The following EPHA3 variants were observed in gnomAD, a reference collection of about 807,000 sequenced individuals.
EPHA3 encodes ephrin type-A receptor 3.
Under a neutral mutation model 107.1 loss-of-function variants are expected in EPHA3, and 42 were observed. The ratio of observed to expected loss-of-function variants is 0.39; its 90% CI spans 0.31 to 0.51. The LOEUF is 0.51. EPHA3 is among the 20% of genes least tolerant of loss of function. The pLI, the probability that EPHA3 is intolerant of heterozygous loss-of-function variation, is 0.78. For synonymous variants in EPHA3, 461 were observed against 424.8 expected (o/e 1.09, Z -1.05); for missense variants, 1,183 against 1,211.2 (o/e 0.98, Z 0.35).
At chr3:89,302,213 T>C (rs1235362564) in intron 3 of EPHA3, among the ~76,000 whole-genome samples, 2 of 152,136 alleles carry the variant, frequency 1.3e-5, no homozygotes, top group Non-Finnish European at 1.5e-5. Flanking sequence ...CTCCTTCATA[T>C]TCTAAAGGCA....
intron 2 of EPHA3, among the ~76,000 whole-genome samples, chr3:89,148,892 T>A (rs535344457): frequency 6.6e-6 from 1 of 152,154 alleles, no homozygotes; most frequent in South Asian, 2.1e-4. Context: ...GGAGTCATAA[T>A]TATAAACATA....
chr3:89,326,075 A>G (rs1707159685), intron 3 of EPHA3, among the ~76,000 whole-genome samples: 1 of 151,210 alleles, frequency 6.6e-6, no homozygotes, highest in Non-Finnish European at 1.5e-5. Context: ...TGGTTTTAAA[A>G]TGTGATTATG....
At chr3:89,383,639 CTTTT>C (rs71621546) in intron 5 of EPHA3, among the ~76,000 whole-genome samples, 6 of 87,960 alleles carry the variant, frequency 6.8e-5, no homozygotes, top group South Asian at 9.3e-4. Context: ...ACTTCTTCTT[CTTTT>C]TTTTTTTTTT....
chr3:89,170,728 A>G (rs1705193282), intron 2 of EPHA3, among the ~76,000 whole-genome samples: 1 of 152,208 alleles, frequency 6.6e-6, no homozygotes, highest in Non-Finnish European at 1.5e-5. Flanking sequence ...ATTGCAGAAG[A>G]GAAACACTTG....
At chr3:89,167,426 G>A (rs1324772000) in intron 2 of EPHA3, among the ~76,000 whole-genome samples, 2 of 151,926 alleles carry the variant, frequency 1.3e-5, no homozygotes, top group African/African-American at 4.8e-5. Flanking sequence ...GGGGTAGGGG[G>A]AGAAATGAGA....
intron 3 of EPHA3, among the ~76,000 whole-genome samples, chr3:89,332,906 C>G (rs1368533467): frequency 3.3e-5 from 5 of 151,744 alleles, no homozygotes; most frequent in Admixed American, 1.3e-4. Flanking sequence ...TAATTAGGAC[C>G]ATGTTTCTTC....
At chr3:89,426,171 G>A (rs1420422780) in intron 11 of EPHA3, among the ~76,000 whole-genome samples, 1 of 151,674 alleles carries the variant, frequency 6.6e-6, no homozygotes, top group East Asian at 1.9e-4. Flanking sequence ...AGACGATCAT[G>A]TCATTTGTAA....
At chr3:89,367,990 G>C (rs1708216610) in intron 5 of EPHA3, among the ~76,000 whole-genome samples, 1 of 150,410 alleles carries the variant, frequency 6.6e-6, no homozygotes, top group Non-Finnish European at 1.5e-5. Context: ...TTCCTTGAGG[G>C]CGTGACCAAG....
intron 5 of EPHA3, among the ~76,000 whole-genome samples, chr3:89,378,816 A>G (rs1219022328): frequency 1.3e-5 from 2 of 152,154 alleles, no homozygotes; most frequent in Non-Finnish European, 2.9e-5. Context: ...GAGCAGCTTA[A>G]GGCTATTTTT....
intron 3 of EPHA3, among the ~76,000 whole-genome samples, chr3:89,287,518 T>A (rs1337979450): frequency 6.6e-6 from 1 of 152,020 alleles, no homozygotes; most frequent in Non-Finnish European, 1.5e-5. Flanking sequence ...AGGTGTGTTG[T>A]CAGCTAAGAA....
chr3:89,191,562 C>A (rs1229480825), intron 2 of EPHA3, among the ~76,000 whole-genome samples: 1 of 152,120 alleles, frequency 6.6e-6, no homozygotes, highest in Non-Finnish European at 1.5e-5. Flanking sequence ...TTGTTTAAAC[C>A]ACCCAGTCTG....
chr3:89,320,699 T>TA (rs1244117965), intron 3 of EPHA3, among the ~76,000 whole-genome samples: 8 of 152,146 alleles, frequency 5.3e-5, no homozygotes, highest in African/African-American at 1.9e-4. Flanking sequence ...AAATTAGATA[T>TA]TAGATTGCCA....
At chr3:89,193,858 AT>A (rs1705776171) in intron 2 of EPHA3, among the ~76,000 whole-genome samples, 1 of 152,030 alleles carries the variant, frequency 6.6e-6, no homozygotes, top group South Asian at 2.1e-4. Flanking sequence ...TATGAATAGT[AT>A]TGAACCATTT....
intron 1 of EPHA3, among the ~76,000 whole-genome samples, chr3:89,117,230 G>A (rs185008266): frequency 6.6e-6 from 1 of 151,944 alleles, no homozygotes; most frequent in Non-Finnish European, 1.5e-5. Context: ...AGATCTAAAG[G>A]TCCAGTAAGT....
intron 3 of EPHA3, among the ~76,000 whole-genome samples, chr3:89,221,538 G>A (rs1033726784): frequency 2.6e-5 from 4 of 151,830 alleles, no homozygotes; most frequent in African/African-American, 9.7e-5. Context: ...GTATTTTATT[G>A]TAATCTATTC....
intron 2 of EPHA3, among the ~76,000 whole-genome samples, chr3:89,136,731 A>G (rs1382261075): frequency 1.3e-5 from 2 of 151,958 alleles, no homozygotes; most frequent in South Asian, 2.1e-4. Flanking sequence ...TTTGTGCTTT[A>G]TAATCCTTAC....
intron 5 of EPHA3, among the ~76,000 whole-genome samples, chr3:89,345,448 G>A (rs1359540508): frequency 6.6e-6 from 1 of 150,860 alleles, no homozygotes; most frequent in Non-Finnish European, 1.5e-5. Context: ...TGTGCATTAT[G>A]CCTATATACC....
At chr3:89,430,142 A>C (rs1709538362) in intron 12 of EPHA3, among the ~76,000 whole-genome samples, 1 of 152,200 alleles carries the variant, frequency 6.6e-6, no homozygotes, top group Non-Finnish European at 1.5e-5. Flanking sequence ...GTTATGTTCA[A>C]CAATTTCATG....
chr3:89,431,246 C>T lies in EPHA3; in HGVS notation c.2233C>T (p.Arg745Ter), dbSNP rs369276620. 2 of 1,613,644 alleles carry T rather than the reference C, an allele frequency of 1.2e-6. No homozygotes were observed. Among genetic ancestry groups the T allele is most frequent in the Non-Finnish European group, 1.7e-6 (2 of 1,179,928 alleles). The part of the protein sequence containing the change: ...KYLSDMGYVH[R>*]DLAARNILIN... ...CCTGTCAGACATGGGCTATGTTCAC[C>T]GAGACCTCGCTGCTCGGAACATCTT... Residue 745 changes from arginine to a stop codon, truncating the protein, a stop_gained, in exon 13 of 17, where the codon CGA becomes TGA. Coordinates refer to ENST00000336596, the MANE Select transcript of EPHA3 (RefSeq NM_005233.6). LOFTEE classifies it high-confidence loss of function.
Sources: allele counts gnomAD v4.1 joint callset (sites outside exome capture counted in the v4.1 genomes callset), GRCh38; gene constraint gnomAD v4.1.1; transcripts MANE v1.5; gene names NCBI Gene and HGNC (gene_info 2026-07-23, HGNC 2026-07-21).